The following TENM4 variants were observed in gnomAD, a reference collection of about 807,000 sequenced individuals.
TENM4 encodes the protein teneurin transmembrane protein 4.
Under a neutral mutation model 243.3 loss-of-function variants are expected in TENM4, and 82 were observed. The observed-to-expected ratio is 0.34, with a 90% CI of 0.28 to 0.40. TENM4 has a LOEUF of 0.40. Among genes scored for constraint, TENM4 ranks in the 10% least tolerant of loss-of-function variants. The probability of loss-of-function intolerance (pLI) is 1.00; values close to 1 mark genes in which losing one functional copy is unlikely to be tolerated. For synonymous variants in TENM4, 1,412 were observed against 1,456.3 expected (o/e 0.97, Z 0.69); for missense variants, 3,138 against 3,673.3 (o/e 0.85, Z 3.77).
chr11:78,751,818 AGT>A (rs1198026685), intron 19 of TENM4, among the ~76,000 whole-genome samples: 2 of 152,040 alleles, frequency 1.3e-5, no homozygotes, highest in African/African-American at 4.8e-5. Context: ...CAAACCCCAC[AGT>A]GTGTGTCCTG....
At chr11:79,116,166 G>A (rs963652135) in intron 4 of TENM4, among the ~76,000 whole-genome samples, 6 of 152,182 alleles carry the variant, frequency 3.9e-5, no homozygotes, top group African/African-American at 1.2e-4. Context: ...CAAAGAATAA[G>A]CCACATTATC....
At chr11:79,082,623 C>T (rs1022659852) in intron 4 of TENM4, among the ~76,000 whole-genome samples, 1 of 152,154 alleles carries the variant, frequency 6.6e-6, no homozygotes, top group Non-Finnish European at 1.5e-5. Context: ...ATTTAAAATG[C>T]TCCATCTAGG....
intron 2 of TENM4, among the ~76,000 whole-genome samples, chr11:79,234,857 T>G (rs1864434584): frequency 6.6e-6 from 1 of 152,166 alleles, no homozygotes; most frequent in African/African-American, 2.4e-5. Context: ...GTGAGCCTTT[T>G]CCCTGGATGC....
intron 3 of TENM4, among the ~76,000 whole-genome samples, chr11:79,205,411 CGA>C (rs1465513160): frequency 2.8e-4 from 43 of 152,280 alleles, no homozygotes; most frequent in African/African-American, 9.9e-4. Context: ...TCACCACAGT[CGA>C]GATACAGAAC....
chr11:79,249,495 A>G (rs1855573609), intron 2 of TENM4, among the ~76,000 whole-genome samples: 1 of 152,218 alleles, frequency 6.6e-6, no homozygotes, highest in Admixed American at 6.5e-5. Context: ...TGTGTCAGGG[A>G]CAGTGCTGGG....
In TENM4 at chr11:79,358,193, C is replaced by T. The variant is rs1317042872; in HGVS notation, c.-320-60650G>A. Among the ~76,000 whole-genome samples the T allele has an allele frequency of 5.3e-5, 8 of 152,210 alleles. No homozygotes were observed. In the East Asian group the frequency reaches 1.5e-3, roughly 29 times the overall value. ...CTCCCAGGTGCCTTAGAATTATTAG[C>T]TCTTCATCCACTTAGTAAGCTGCCC... On this transcript the variant is annotated intron_variant, in intron 1 of 33. Coordinates refer to ENST00000278550, the MANE Select transcript of TENM4 (RefSeq NM_001098816.3).
At chr11:79,424,921 G>A (rs1859016878) in intron 1 of TENM4, among the ~76,000 whole-genome samples, 1 of 152,150 alleles carries the variant, frequency 6.6e-6, no homozygotes, top group African/African-American at 2.4e-5. Context: ...GAGACAGAAT[G>A]AGACTCCATT....
chr11:79,402,310 C>A (rs906310879), intron 1 of TENM4, among the ~76,000 whole-genome samples: 4 of 152,178 alleles, frequency 2.6e-5, no homozygotes, highest in African/African-American at 7.2e-5. Context: ...ATTCAAAACA[C>A]TGAATATCAG....
intron 2 of TENM4, among the ~76,000 whole-genome samples, chr11:79,291,149 A>G (rs967669977): frequency 6.6e-6 from 1 of 152,148 alleles, no homozygotes; most frequent in African/African-American, 2.4e-5. Context: ...CAAACCCCAC[A>G]TAGCCATGTG....
chr11:78,877,257 C>T (rs754699570), intron 9 of TENM4, among the ~76,000 whole-genome samples: 3 of 152,094 alleles, frequency 2.0e-5, no homozygotes, highest in Non-Finnish European at 2.9e-5. Flanking sequence ...TCTCACTGCT[C>T]CCTTCTTCCT....
intron 3 of TENM4, among the ~76,000 whole-genome samples, chr11:79,189,896 C>A (rs1386416404): frequency 6.6e-6 from 1 of 152,206 alleles, no homozygotes; most frequent in African/African-American, 2.4e-5. Flanking sequence ...GATCACAGAG[C>A]ACTCTGGGAT....
In TENM4 at chr11:78,743,094, G is replaced by A. The variant is rs1431158002; in HGVS notation, c.2757-4524C>T. On this transcript the variant is annotated intron_variant, in intron 19 of 33. Coordinates refer to ENST00000278550, the MANE Select transcript of TENM4 (RefSeq NM_001098816.3). ...CATACTACCCAATCCAGCTAAAGCA[G>A]CCCTACTGCACGTGGCTTCAGAATC... 2.0e-5 allele frequency among the ~76,000 whole-genome samples: 3 copies of A among 152,198 alleles called. No homozygotes were observed. In the East Asian group the frequency reaches 5.8e-4, roughly 29 times the overall value.
Position 78,822,651 on chromosome 11 carries a change from C to T in TENM4, c.1682-8256G>A, listed in dbSNP as rs534366389. ...AATATCTAGATGACAGGTTGATAGG[C>T]GCAGCAAACCACCATGGCACACGTT... On this transcript the variant is annotated intron_variant, in intron 12 of 33. Coordinates refer to ENST00000278550, the MANE Select transcript of TENM4 (RefSeq NM_001098816.3). Among the ~76,000 whole-genome samples, 25 of 152,028 alleles carry T rather than the reference C, an allele frequency of 1.6e-4. No homozygotes were observed. The East Asian group carries it at 4.1e-3, about 25-fold the overall frequency.
intron 19 of TENM4, among the ~76,000 whole-genome samples, chr11:78,741,055 A>G (rs1855918592): frequency 6.6e-6 from 1 of 152,186 alleles, no homozygotes; most frequent in Non-Finnish European, 1.5e-5. Flanking sequence ...GGAGAAAAAC[A>G]CTTCCATCCC....
At chr11:79,138,464 A>T (rs12798092) in intron 4 of TENM4, among the ~76,000 whole-genome samples, 291 of 108,710 alleles carry the variant, frequency 2.7e-3, no homozygotes, top group Non-Finnish European at 4.0e-3. Flanking sequence ...AATATATTTT[A>T]ATATATTATA....
chr11:78,774,305 C>T (rs1013031762), intron 17 of TENM4, among the ~76,000 whole-genome samples: 8 of 152,200 alleles, frequency 5.3e-5, no homozygotes, highest in African/African-American at 1.4e-4. Context: ...GCCAGCCCAA[C>T]TTGTGTAACG....
chr11:78,867,068 T>TCC (rs1262771254), intron 9 of TENM4, among the ~76,000 whole-genome samples: 1 of 151,906 alleles, frequency 6.6e-6, no homozygotes, highest in Admixed American at 6.6e-5. Context: ...GGGGTATCCA[T>TCC]CCCCTCCCTC....
chr11:79,164,971 G>A (rs907011917), intron 3 of TENM4, among the ~76,000 whole-genome samples: 39 of 151,552 alleles, frequency 2.6e-4, no homozygotes, highest in African/African-American at 9.0e-4. Flanking sequence ...GTGTGTGTGT[G>A]TGTGTGTGTG....
chr11:79,370,779 TA>T (rs544196671), intron 1 of TENM4, among the ~76,000 whole-genome samples: 529 of 57,090 alleles, frequency 9.3e-3, no homozygotes, highest in East Asian at 0.027. Flanking sequence ...ACTCCTATGG[TA>T]AAAAAAAAAA....
Sources: allele counts gnomAD v4.1 joint callset (sites outside exome capture counted in the v4.1 genomes callset), GRCh38; gene constraint gnomAD v4.1.1; transcripts MANE v1.5; gene names NCBI Gene and HGNC (gene_info 2026-07-23, HGNC 2026-07-21).